ITGA8: variants seen among roughly 807,000 people sequenced by gnomAD.
The protein encoded by ITGA8 is integrin subunit alpha 8.
In ITGA8, 91 loss-of-function variants were observed where a neutral mutation model predicts 142.3. That is an observed-to-expected ratio of 0.64 (90% confidence interval 0.54 to 0.76). ITGA8 has a LOEUF of 0.76. Among genes scored for constraint, ITGA8 ranks in the 30% least tolerant of loss-of-function variants. The probability of loss-of-function intolerance (pLI) is 0.00; values close to 1 mark genes in which losing one functional copy is unlikely to be tolerated. For missense variants in ITGA8, 1,406 were observed against 1,327.7 expected (o/e 1.06, Z -0.92); for synonymous variants, 505 against 485.2 (o/e 1.04, Z -0.54).
chr10:15,632,208 G>A (rs1473361), intron 13 of ITGA8, among the ~76,000 whole-genome samples: 37,814 of 150,854 alleles, frequency 0.25, 5,081 homozygotes, highest in Admixed American at 0.32. Context: ...TCACATTTAA[G>A]GTCATTGACA....
intron 2 of ITGA8, among the ~76,000 whole-genome samples, chr10:15,692,142 A>G (rs1042526763): frequency 2.0e-5 from 3 of 152,016 alleles, no homozygotes; most frequent in African/African-American, 4.8e-5. Flanking sequence ...TATGTTGCCC[A>G]GGCTGGCCTT....
chr10:15,664,244 G>A lies in ITGA8; in HGVS notation c.848-3322C>T, dbSNP rs530769951. Among the ~76,000 whole-genome samples the A allele has an allele frequency of 1.1e-4, 16 of 151,514 alleles. No homozygotes were observed. The South Asian group carries it at 3.3e-3, about 32-fold the overall frequency. ...GTGAGGTCAGGGTTTAAACCCAAGA[G>A]GTCTGGCTCCAGAGTCCAGGACTCT... On this transcript the variant is annotated intron_variant, in intron 8 of 29. Transcript: ENST00000378076.
At chr10:15,707,311 CA>C (rs1378600869) in intron 2 of ITGA8, among the ~76,000 whole-genome samples, 6 of 151,960 alleles carry the variant, frequency 3.9e-5, no homozygotes, top group Admixed American at 3.3e-4. Context: ...AAGAAGAGGC[CA>C]AAAAAGGAGA....
intron 11 of ITGA8, among the ~76,000 whole-genome samples, chr10:15,647,259 A>T (rs1048888009): frequency 8.5e-5 from 13 of 152,134 alleles, no homozygotes; most frequent in Non-Finnish European, 1.8e-4. Context: ...TATCACACTG[A>T]ACATTTTAGC....
chr10:15,706,929 C>G (rs1002068799), intron 2 of ITGA8, among the ~76,000 whole-genome samples: 3 of 152,188 alleles, frequency 2.0e-5, no homozygotes, highest in African/African-American at 7.2e-5. Flanking sequence ...TTGCTTTTCT[C>G]TAGCTCAGCG....
chr10:15,671,712 GA>G, intron 7 of ITGA8, 65 bp from the exon 8 acceptor site: 3 of 1,260,720 alleles, frequency 2.4e-6, no homozygotes, highest in Non-Finnish European at 3.5e-6. Context: ...GTTATATCTA[GA>G]AAAAGGTGAA....
In ITGA8 at chr10:15,648,399, C is replaced by A. The variant is rs142189219; in HGVS notation, c.1002-1348G>T. Among the ~76,000 whole-genome samples, 646 of 150,342 alleles carry A rather than the reference C, an allele frequency of 4.3e-3. 3 individuals are homozygous for A. The highest frequency in any genetic ancestry group is 0.015 in the African/African-American group (607 of 41,058). On this transcript the variant is annotated intron_variant, in intron 11 of 29. Coordinates refer to ENST00000378076, the MANE Select transcript of ITGA8 (RefSeq NM_003638.3). ...ATTAATATAATTGAGTTATAATATT[C>A]ATGTATATGAATGATATATAATAAT...
chr10:15,687,141 T>G (rs1476267288), intron 3 of ITGA8, among the ~76,000 whole-genome samples: 1 of 152,204 alleles, frequency 6.6e-6, no homozygotes, highest in African/African-American at 2.4e-5. Context: ...TTACCTGTTT[T>G]ATGTCAAAAT....
chr10:15,601,927 CAA>C (rs1390043091), intron 20 of ITGA8, among the ~76,000 whole-genome samples: 1 of 152,140 alleles, frequency 6.6e-6, no homozygotes, highest in Non-Finnish European at 1.5e-5. Flanking sequence ...ACGTAAAATT[CAA>C]AGACTGAGTG....
intron 14 of ITGA8, among the ~76,000 whole-genome samples, chr10:15,614,020 G>C: frequency 6.6e-6 from 1 of 152,298 alleles, no homozygotes; most frequent in East Asian, 1.9e-4. Flanking sequence ...GTCAAGCAAA[G>C]TTGCGTACAC....
chr10:15,526,472 G>A (rs532863721), intron 28 of ITGA8, among the ~76,000 whole-genome samples: 104 of 152,166 alleles, frequency 6.8e-4, no homozygotes, highest in African/African-American at 2.2e-3. Context: ...CACCGCACCC[G>A]GCCCATTATA....
chr10:15,719,810 C>CCACCCAG lies in ITGA8; in HGVS notation c.-40_-39insCTGGGTG. 1 of 1,304,044 alleles carries CCACCCAG rather than the reference C, an allele frequency of 7.7e-7. No homozygotes were observed. Among genetic ancestry groups the CCACCCAG allele is most frequent in the African/African-American group, 1.5e-5 (1 of 64,548 alleles). 80.8% of individuals were successfully genotyped at this position (1,304,044 alleles called of 1,614,324 possible). On this transcript the variant is annotated 5_prime_UTR_variant, in exon 1 of 30. Coordinates refer to ENST00000378076, the MANE Select transcript of ITGA8 (RefSeq NM_003638.3). ...GGTGGGTGGCTGCTACCCAGGAGCGCGAGCCGAGGACCCCTGCGGGGCAAG... is the reference window on the plus strand; with the variant it reads ...GGTGGGTGGCTGCTACCCAGGAGCGCCACCCAGGAGCCGAGGACCCCTGCGGGGCAAG...
chr10:15,671,471 T>C, intron 8 of ITGA8, 132 bp downstream of exon 8: 1 of 688,112 alleles, frequency 1.5e-6, no homozygotes, highest in Non-Finnish European at 2.6e-6. Context: ...CTACAAAGTA[T>C]AGGCACTCTG....
chr10:15,671,484 A>T (rs1159549921), intron 8 of ITGA8, 119 bp downstream of exon 8: 1 of 763,736 alleles, frequency 1.3e-6, no homozygotes, highest in Non-Finnish European at 2.3e-6. Context: ...GCACTCTGGG[A>T]CTCCATTAAT....
chr10:15,538,321 T>A (rs961782709), intron 27 of ITGA8, among the ~76,000 whole-genome samples: 1 of 152,088 alleles, frequency 6.6e-6, no homozygotes, highest in Non-Finnish European at 1.5e-5. Flanking sequence ...AAGACCAGCC[T>A]GGCCAACATG....
chr10:15,585,771 C>G (rs555241890), intron 23 of ITGA8, among the ~76,000 whole-genome samples: 2 of 152,080 alleles, frequency 1.3e-5, no homozygotes, highest in East Asian at 1.9e-4. Flanking sequence ...CCTTTTCCCC[C>G]GTCTCTCAGT....
intron 12 of ITGA8, among the ~76,000 whole-genome samples, chr10:15,644,458 A>T (rs1833934315): frequency 1.1e-4 from 1 of 9,066 alleles, no homozygotes; most frequent in African/African-American, 1.8e-4. Context: ...ATATATATAT[A>T]TATATATATA....
intron 19 of ITGA8, among the ~76,000 whole-genome samples, chr10:15,605,268 A>G (rs1833173778): frequency 6.6e-6 from 1 of 152,126 alleles, no homozygotes; most frequent in Non-Finnish European, 1.5e-5. Context: ...GCTTTACTCC[A>G]TAGAGTGCTA....
At chr10:15,566,555 A>T (rs1179708360) in intron 25 of ITGA8, among the ~76,000 whole-genome samples, 1 of 152,094 alleles carries the variant, frequency 6.6e-6, no homozygotes, top group Non-Finnish European at 1.5e-5. Flanking sequence ...TCATGCCTGT[A>T]ATCCCAGCAC....
Sources: gnomAD v4.1 joint callset for allele counts (sites outside exome capture counted in the v4.1 genomes callset) on GRCh38, gnomAD v4.1.1 for gene constraint, MANE v1.5 for transcripts, NCBI Gene and HGNC (gene_info 2026-07-23, HGNC 2026-07-21) for gene names.